Variants in EXOC4 observed in about 807,000 individuals in gnomAD.
The protein encoded by EXOC4 is exocyst complex component 4, also known as SEC8-like 1.
A neutral mutation model predicts 107.2 loss-of-function variants in EXOC4; 71 were observed. That is an observed-to-expected ratio of 0.66 (90% CI 0.55 to 0.81). The LOEUF (loss-of-function observed/expected upper bound fraction) is 0.81, where lower values mean the gene tolerates loss of function less well. EXOC4 is among the 30% of genes least tolerant of loss of function. The pLI is 0.00. For synonymous variants in EXOC4, 456 were observed against 441.2 expected, an observed-to-expected ratio of 1.03 and a Z score of -0.42; for missense variants, 1,108 against 1,189.6, an observed-to-expected ratio of 0.93 and a Z score of 1.01.
At chr7:133,694,065 A>AC in intron 10 of EXOC4, among the ~76,000 whole-genome samples, 1 of 152,058 alleles carries the variant, frequency 6.6e-6, no homozygotes, top group Non-Finnish European at 1.5e-5. Context: ...AGAGATTGAG[A>AC]CCATCCTGGC....
At chr7:133,336,339 C>G (rs746234973) in intron 5 of EXOC4, among the ~76,000 whole-genome samples, 2 of 152,110 alleles carry the variant, frequency 1.3e-5, no homozygotes, top group Non-Finnish European at 2.9e-5. Context: ...GGTCTTGATC[C>G]ATTTTGGGTT....
At chr7:133,264,129 T>C (rs35284403) in intron 1 of EXOC4, among the ~76,000 whole-genome samples, 45,253 of 152,074 alleles carry the variant, frequency 0.3, 7,050 homozygotes, top group South Asian at 0.38. Flanking sequence ...AAGTTGACTT[T>C]GTCAACCTTG....
chr7:133,696,621 C>T (rs1421769515), intron 10 of EXOC4, among the ~76,000 whole-genome samples: 3 of 152,106 alleles, frequency 2.0e-5, no homozygotes, highest in Non-Finnish European at 4.4e-5. Context: ...CACTCAAATT[C>T]TGGTCTCTTT....
At chr7:134,088,100 C>G in the EXOC4 span, among the ~76,000 whole-genome samples, 1 of 152,142 alleles carries the variant, frequency 6.6e-6, no homozygotes, top group African/African-American at 2.4e-5. Flanking sequence ...AAGTGACATT[C>G]TTTACTTATG....
At chr7:133,329,229 A>G (rs1398490574) in intron 5 of EXOC4, among the ~76,000 whole-genome samples, 1 of 152,162 alleles carries the variant, frequency 6.6e-6, no homozygotes, top group African/African-American at 2.4e-5. Context: ...AAGCTTGTGT[A>G]TGCTTCACAA....
intron 7 of EXOC4, among the ~76,000 whole-genome samples, chr7:133,435,334 T>A (rs1277538630): frequency 6.6e-6 from 1 of 152,186 alleles, no homozygotes; most frequent in African/African-American, 2.4e-5. Context: ...CCCTCTGTCT[T>A]TTTTTTCCTT....
At position 133,599,872 on chromosome 7, in the gene EXOC4, G is replaced by A. The variant is rs959125292; in HGVS notation, c.1418-30173G>A. Among the ~76,000 whole-genome samples, 176 of 145,966 alleles carry A rather than the reference G, an allele frequency of 1.2e-3. 2 individuals are homozygous for A. Among genetic ancestry groups the A allele is most frequent in the African/African-American group, 4.3e-3 (169 of 39,724 alleles). ...CATGTTAACTATGGAGCAAGTATTA[G>A]AAATTGAACAGATCTCTGATTTTTT... On this transcript the variant is annotated intron_variant, in intron 9 of 17. Coordinates refer to ENST00000253861, the MANE Select transcript of EXOC4 (RefSeq NM_021807.4).
intron 9 of EXOC4, among the ~76,000 whole-genome samples, chr7:133,508,714 G>A (rs536471396): frequency 1.9e-3 from 284 of 152,220 alleles, no homozygotes; most frequent in Non-Finnish European, 3.4e-3. Flanking sequence ...CTCCATTTGG[G>A]TTTTATGCAT....
At chr7:133,627,323 G>A (rs1264909213) in intron 9 of EXOC4, among the ~76,000 whole-genome samples, 1 of 152,162 alleles carries the variant, frequency 6.6e-6, no homozygotes, top group Non-Finnish European at 1.5e-5. Flanking sequence ...AACTATACAT[G>A]AAGGTTTTCA....
intron 9 of EXOC4, among the ~76,000 whole-genome samples, chr7:133,592,642 C>T (rs182673587): frequency 6.6e-6 from 1 of 152,086 alleles, no homozygotes; most frequent in East Asian, 1.9e-4. Flanking sequence ...CTCACTCTGT[C>T]GCTAGGCTGG....
At chr7:133,464,034 A>G (rs142279387) in intron 7 of EXOC4, among the ~76,000 whole-genome samples, 30 of 152,352 alleles carry the variant, frequency 2.0e-4, no homozygotes, top group Middle Eastern at 3.4e-3. Flanking sequence ...TATCATAGAT[A>G]TATACTTACT....
intron 4 of EXOC4, among the ~76,000 whole-genome samples, chr7:133,306,701 T>TA (rs528333685): frequency 9.5e-4 from 137 of 144,886 alleles, no homozygotes; most frequent in East Asian, 7.2e-3. Context: ...CCTGGTCTCT[T>TA]AAAAAAAAAA....
At chr7:133,313,653 T>C (rs546103830) in intron 4 of EXOC4, among the ~76,000 whole-genome samples, 1 of 152,326 alleles carries the variant, frequency 6.6e-6, no homozygotes, top group African/African-American at 2.4e-5. Flanking sequence ...TTTAATAAGC[T>C]GTCAGCACTT....
At chr7:133,496,735 A>G (rs1398208101) in intron 9 of EXOC4, among the ~76,000 whole-genome samples, 5 of 152,134 alleles carry the variant, frequency 3.3e-5, no homozygotes, top group African/African-American at 7.2e-5. Context: ...GAATTCTAGA[A>G]TGACCCCAAT....
chr7:133,973,324 C>T (rs945969657), intron 14 of EXOC4, among the ~76,000 whole-genome samples: 7 of 152,026 alleles, frequency 4.6e-5, no homozygotes, highest in African/African-American at 1.7e-4. Context: ...GAAGATGGCA[C>T]CTGATCTGTG....
chr7:133,899,118 C>T (rs1399364829), intron 12 of EXOC4, among the ~76,000 whole-genome samples: 2 of 150,508 alleles, frequency 1.3e-5, no homozygotes, highest in Admixed American at 1.3e-4. Context: ...GTAGGGCATG[C>T]CCTCTTTTTC....
At chr7:133,595,028 C>T (rs1801634349) in intron 9 of EXOC4, among the ~76,000 whole-genome samples, 1 of 151,964 alleles carries the variant, frequency 6.6e-6, no homozygotes, top group Non-Finnish European at 1.5e-5. Context: ...AAGAACCATG[C>T]AAATATAGAG....
intron 10 of EXOC4, among the ~76,000 whole-genome samples, chr7:133,714,982 G>T (rs1285534647): frequency 1.3e-5 from 2 of 152,010 alleles, no homozygotes; most frequent in Non-Finnish European, 2.9e-5. Flanking sequence ...CTCTTCTTAT[G>T]GTTCTAATAC....
At chr7:133,460,614 G>A (rs939400639) in intron 7 of EXOC4, among the ~76,000 whole-genome samples, 5 of 151,916 alleles carry the variant, frequency 3.3e-5, no homozygotes, top group Admixed American at 3.3e-4. Context: ...TGATAAAATA[G>A]TATTACTTTT....
Sources: gnomAD v4.1 joint callset for allele counts (sites outside exome capture counted in the v4.1 genomes callset) on GRCh38, gnomAD v4.1.1 for gene constraint, MANE v1.5 for transcripts, NCBI Gene and HGNC (gene_info 2026-07-23, HGNC 2026-07-21) for gene names.